Variants in ENOX1 observed in about 807,000 individuals in gnomAD.
ENOX1 encodes ecto-NOX disulfide-thiol exchanger 1.
ENOX1 carries 42 observed loss-of-function variants against 82.5 expected under a neutral mutation model. The ratio of observed to expected loss-of-function variants is 0.51; its 90% CI spans 0.40 to 0.66. The LOEUF (loss-of-function observed/expected upper bound fraction) is 0.66, where lower values mean the gene tolerates loss of function less well. ENOX1 is among the 30% of genes least tolerant of loss of function. The probability of loss-of-function intolerance (pLI) is 0.00; values close to 1 mark genes in which losing one functional copy is unlikely to be tolerated. For synonymous variants in ENOX1, 271 were observed against 282.2 expected (o/e 0.96, Z 0.40); for missense variants, 608 against 811.6 (o/e 0.75, Z 3.05).
At chr13:43,333,519 T>C (rs2048526758) in intron 9 of ENOX1, among the ~76,000 whole-genome samples, 1 of 152,222 alleles carries the variant, frequency 6.6e-6, no homozygotes, top group African/African-American at 2.4e-5. Context: ...AGAGACCTGG[T>C]TTCTGGGGAT....
At chr13:43,476,377 A>T (rs892815186) in intron 3 of ENOX1, among the ~76,000 whole-genome samples, 9 of 151,548 alleles carry the variant, frequency 5.9e-5, no homozygotes, top group South Asian at 2.1e-4. Context: ...ACTAAACTTT[A>T]AAAAAAAGTG....
chr13:43,381,421 T>C (rs550470991), intron 5 of ENOX1, among the ~76,000 whole-genome samples: 4 of 149,070 alleles, frequency 2.7e-5, no homozygotes, highest in South Asian at 2.1e-4. Flanking sequence ...TAAATGCTTA[T>C]ATTAGAAAAG....
chr13:43,686,048 G>C (rs898946557), intron 1 of ENOX1, among the ~76,000 whole-genome samples: 6 of 152,118 alleles, frequency 3.9e-5, no homozygotes, highest in African/African-American at 1.4e-4. Flanking sequence ...GTCATGATTG[G>C]AATAGCAAAG....
chr13:43,236,833 G>T (rs994596312), intron 14 of ENOX1, 95 bp from the exon 15 acceptor site: 1 of 553,236 alleles, frequency 1.8e-6, no homozygotes, highest in South Asian at 3.5e-5. Context: ...TATAAATAAG[G>T]TCATCACTTC....
chr13:43,462,264 G>T (rs997802), intron 3 of ENOX1, among the ~76,000 whole-genome samples: 1 of 152,022 alleles, frequency 6.6e-6, no homozygotes. Flanking sequence ...TTTTCTTCTG[G>T]ATTTCAGAAT....
chr13:43,687,284 G>A (rs1439289435), intron 1 of ENOX1, among the ~76,000 whole-genome samples: 2 of 152,154 alleles, frequency 1.3e-5, no homozygotes, highest in Non-Finnish European at 2.9e-5. Flanking sequence ...CTCTAACTAG[G>A]ACAAAAGTAA....
intron 2 of ENOX1, among the ~76,000 whole-genome samples, chr13:43,632,845 A>G (rs2083274819): frequency 6.6e-6 from 1 of 152,178 alleles, no homozygotes. Context: ...TTCAACTTTT[A>G]TCATATACTA....
chr13:43,492,608 GA>G (rs1254670715), intron 2 of ENOX1, among the ~76,000 whole-genome samples: 1 of 152,106 alleles, frequency 6.6e-6, no homozygotes. Flanking sequence ...AAGTACCAAA[GA>G]AAAGGCCATT....
intron 3 of ENOX1, among the ~76,000 whole-genome samples, chr13:43,452,482 G>A (rs966405799): frequency 3.3e-5 from 5 of 152,050 alleles, no homozygotes; most frequent in Non-Finnish European, 7.4e-5. Context: ...TGTATTCCAT[G>A]GTGTATATGT....
intron 2 of ENOX1, among the ~76,000 whole-genome samples, chr13:43,654,785 C>CATTT (rs1428378063): frequency 5.9e-5 from 9 of 152,150 alleles, no homozygotes; most frequent in Admixed American, 5.9e-4. Flanking sequence ...CAGCTTGCTG[C>CATTT]ATTTATATTC....
At chr13:43,346,200 C>G (rs969528213) in intron 8 of ENOX1, among the ~76,000 whole-genome samples, 16 of 152,182 alleles carry the variant, frequency 1.1e-4, no homozygotes, top group African/African-American at 3.9e-4. Context: ...CTTAGCATGG[C>G]TGCTGCTTGC....
intron 11 of ENOX1, among the ~76,000 whole-genome samples, chr13:43,305,643 G>T (rs921770625): frequency 2.6e-5 from 4 of 152,176 alleles, no homozygotes; most frequent in Non-Finnish European, 5.9e-5. Flanking sequence ...AGGAGGTGCT[G>T]CTGGGCTGCT....
chr13:43,640,919 T>TAC (rs55732866), intron 2 of ENOX1, among the ~76,000 whole-genome samples: 7 of 150,646 alleles, frequency 4.6e-5, no homozygotes, highest in African/African-American at 1.2e-4. Flanking sequence ...CACGCACACA[T>TAC]ACACACACAC....
chr13:43,390,936 A>C (rs1418221142), intron 5 of ENOX1, among the ~76,000 whole-genome samples: 1 of 152,108 alleles, frequency 6.6e-6, no homozygotes, highest in East Asian at 1.9e-4. Context: ...TTACTATCTG[A>C]AGGCACTGGC....
chr13:43,570,293 A>C (rs1049288571), intron 2 of ENOX1, among the ~76,000 whole-genome samples: 7 of 152,188 alleles, frequency 4.6e-5, no homozygotes, highest in Non-Finnish European at 7.3e-5. Context: ...TTTGGAGCTG[A>C]AGATGGTCAT....
intron 7 of ENOX1, among the ~76,000 whole-genome samples, chr13:43,358,112 G>A (rs2050263946): frequency 6.6e-6 from 1 of 152,124 alleles, no homozygotes; most frequent in Non-Finnish European, 1.5e-5. Context: ...AAAATCATAG[G>A]ATCAAGGTAT....
At chr13:43,251,808 C>T (rs766043930) in intron 14 of ENOX1, among the ~76,000 whole-genome samples, 1 of 152,164 alleles carries the variant, frequency 6.6e-6, no homozygotes, top group Non-Finnish European at 1.5e-5. Flanking sequence ...ATCAGGCCAA[C>T]ATTTTTTCTG....
At chr13:43,393,947 G>A (rs1366560792) in intron 5 of ENOX1, among the ~76,000 whole-genome samples, 1 of 152,084 alleles carries the variant, frequency 6.6e-6, no homozygotes, top group African/African-American at 2.4e-5. Flanking sequence ...CAGGAGAGTT[G>A]GTTGTTTAAA....
At chr13:43,407,561 G>A (rs1247367619) in intron 5 of ENOX1, among the ~76,000 whole-genome samples, 3 of 152,120 alleles carry the variant, frequency 2.0e-5, no homozygotes, top group Non-Finnish European at 4.4e-5. Context: ...CATGCATTAG[G>A]TATTTGTCCT....
Sources: gnomAD v4.1 joint callset for allele counts (sites outside exome capture counted in the v4.1 genomes callset) on GRCh38, gnomAD v4.1.1 for gene constraint, MANE v1.5 for transcripts, NCBI Gene and HGNC (gene_info 2026-07-23, HGNC 2026-07-21) for gene names.